MAP4: variants seen among roughly 807,000 people sequenced by gnomAD.
MAP4 encodes the protein microtubule associated protein 4.
MAP4 carries 76 observed loss-of-function variants against 170.2 expected under a neutral mutation model. The observed-to-expected ratio is 0.45, with a 90% CI of 0.37 to 0.54. MAP4 has a LOEUF of 0.54. Among genes scored for constraint, MAP4 ranks in the 20% least tolerant of loss-of-function variants. The pLI, the probability that MAP4 is intolerant of heterozygous loss-of-function variation, is 0.00. For missense variants in MAP4, 2,506 were observed against 2,748.0 expected (o/e 0.91, Z 1.97); for synonymous variants, 909 against 994.5 (o/e 0.91, Z 1.62).
At chr3:47,955,917 A>G (rs1256026163) in intron 3 of MAP4, among the ~76,000 whole-genome samples, 1 of 152,242 alleles carries the variant, frequency 6.6e-6, no homozygotes, top group Admixed American at 6.5e-5. Flanking sequence ...TGGAGCCTTT[A>G]GCAAGCAAGA....
intron 1 of MAP4, among the ~76,000 whole-genome samples, chr3:48,073,404 G>A (rs2100142050): frequency 6.6e-6 from 1 of 151,704 alleles, no homozygotes; most frequent in Non-Finnish European, 1.5e-5. Context: ...CTGAGGTCGG[G>A]AGTATGAGAT....
chr3:48,071,184 C>T (rs1364446124), intron 1 of MAP4, among the ~76,000 whole-genome samples: 1 of 152,042 alleles, frequency 6.6e-6, no homozygotes, highest in Non-Finnish European at 1.5e-5. Flanking sequence ...TTTGTTACCC[C>T]CATGTCTCTG....
chr3:47,855,808 T>G lies in MAP4; in HGVS notation c.6584-448A>C, dbSNP rs749931653. On this transcript the variant is annotated intron_variant, in intron 18 of 20. Transcript: ENST00000683076. This position sits in a 1 kb window ranked among gnomAD's most constrained non-coding sequence, Gnocchi z 5.1. Reference sequence around the variant, plus strand: ...GCCACGGTCCCTGCTTCCCAGCCGGTAAAACTGATGCTGCAAAAGAGAAGG... The same window carrying G: ...GCCACGGTCCCTGCTTCCCAGCCGGGAAAACTGATGCTGCAAAAGAGAAGG... Among the ~76,000 whole-genome samples, 6 of 152,172 alleles carry G rather than the reference T, an allele frequency of 3.9e-5. No homozygotes were observed. Among genetic ancestry groups the G allele is most frequent in the Non-Finnish European group, 7.3e-5 (5 of 68,040 alleles).
At position 48,047,784 on chromosome 3, in the gene MAP4, G is replaced by A. The variant is rs993177779; in HGVS notation, c.-20+40989C>T. Among the ~76,000 whole-genome samples, 9 of 152,088 alleles carry A rather than the reference G, an allele frequency of 5.9e-5. No individual in the cohort carries two copies. In the East Asian group the frequency reaches 1.7e-3, roughly 29 times the overall value. On this transcript the variant is annotated intron_variant, in intron 1 of 18. Coordinates refer to the MAP4 transcript ENST00000360240. ...CTGGTTTTCACAAAATTCACTTTCG[G>A]AATAAAATTTCATTTGGAATGATGT...
upstream of MAP4, among the ~76,000 whole-genome samples, chr3:48,016,794 A>AG (rs2100108029): frequency 1.1e-5 from 1 of 89,670 alleles, no homozygotes; most frequent in Non-Finnish European, 2.7e-5. Flanking sequence ...TTTTTTTTTG[A>AG]GACAGGGTCT....
At chr3:48,017,416 G>C (rs2100108312), upstream of MAP4, among the ~76,000 whole-genome samples, 1 of 151,878 alleles carries the variant, frequency 6.6e-6, no homozygotes, top group Admixed American at 6.6e-5. Flanking sequence ...GAAGAATCCT[G>C]AACATCAGGA....
At chr3:47,875,516 C>T (rs567967694) in intron 12 of MAP4, among the ~76,000 whole-genome samples, 169 bp downstream of exon 12, 4 of 152,086 alleles carry the variant, frequency 2.6e-5, no homozygotes, top group Non-Finnish European at 5.9e-5. Flanking sequence ...CCATAGGCAG[C>T]GCGTCCAGAG....
chr3:47,954,368 A>T (rs2100066407), intron 3 of MAP4, among the ~76,000 whole-genome samples: 1 of 152,200 alleles, frequency 6.6e-6, no homozygotes, highest in African/African-American at 2.4e-5. Flanking sequence ...TTGTACTGGT[A>T]ATCAGAACAC....
At chr3:48,046,996 A>G (rs1235215878) in intron 1 of MAP4, among the ~76,000 whole-genome samples, 1 of 152,044 alleles carries the variant, frequency 6.6e-6, no homozygotes, top group Non-Finnish European at 1.5e-5. Context: ...CGGGAGGCTG[A>G]GGCAGGAGAA....
chr3:47,881,494 A>ATATG (rs2096750382), intron 10 of MAP4, among the ~76,000 whole-genome samples: 1 of 95,844 alleles, frequency 1.0e-5, no homozygotes. Context: ...ATATATATAT[A>ATATG]TATGCATAAT....
upstream of MAP4, among the ~76,000 whole-genome samples, chr3:48,017,514 T>G (rs1439223154): frequency 2.7e-5 from 4 of 150,828 alleles, no homozygotes; most frequent in Non-Finnish European, 5.9e-5. Context: ...ATCCAAACTC[T>G]TACGTGTAAT....
chr3:47,890,817 A>T (rs2100023495), intron 10 of MAP4, among the ~76,000 whole-genome samples: 1 of 152,180 alleles, frequency 6.6e-6, no homozygotes, highest in African/African-American at 2.4e-5. Context: ...TGCTAGCAAG[A>T]CATTCAGCTT....
rs532194924 is a variant in MAP4 at position 48,060,553 on chromosome 3, G to A, written c.-20+28220C>T. Among the ~76,000 whole-genome samples, 11 of 152,222 alleles carry A rather than the reference G, an allele frequency of 7.2e-5. No individual in the cohort carries two copies. In the East Asian group the frequency reaches 2.1e-3, roughly 29 times the overall value. On this transcript the variant is annotated intron_variant, in intron 1 of 18. Coordinates refer to the MAP4 transcript ENST00000360240. ...TGATCTGCAAAATACACTGCTAAGA[G>A]AATAGAAACTCAACAGATTGGGAGA...
chr3:48,045,773 C>T (rs557547011), intron 1 of MAP4, among the ~76,000 whole-genome samples: 1 of 152,332 alleles, frequency 6.6e-6, no homozygotes, highest in South Asian at 2.1e-4. Context: ...GATCTCCTGA[C>T]CTTGTGATCC....
intron 2 of MAP4, among the ~76,000 whole-genome samples, chr3:47,993,988 T>A (rs1412755114): frequency 6.6e-6 from 1 of 152,224 alleles, no homozygotes; most frequent in Admixed American, 6.5e-5. Flanking sequence ...ACAGTTTTGA[T>A]GAGAAATCAT....
chr3:47,915,811 T>G, intron 7 of MAP4, 140 bp downstream of exon 7: 1 of 870,646 alleles, frequency 1.1e-6, no homozygotes. Context: ...GAAAGAGTTG[T>G]CTAGGAGAGC....
intron 1 of MAP4, among the ~76,000 whole-genome samples, chr3:48,015,372 T>C (rs1378997608): frequency 6.6e-6 from 1 of 152,172 alleles, no homozygotes; most frequent in Non-Finnish European, 1.5e-5. Context: ...TTGCATGACA[T>C]TTAAATGACA....
chr3:47,895,996 A>G (rs2153194781), intron 10 of MAP4, among the ~76,000 whole-genome samples: 1 of 152,162 alleles, frequency 6.6e-6, no homozygotes, highest in South Asian at 2.1e-4. Context: ...AGTTGAAAGA[A>G]GCAATCTGGG....
chr3:48,011,465 A>T (rs1359765914), intron 1 of MAP4, among the ~76,000 whole-genome samples: 3 of 151,844 alleles, frequency 2.0e-5, no homozygotes, highest in Non-Finnish European at 4.4e-5. Context: ...AGGCAGGAAA[A>T]TTGCTTGAAC....
Sources: allele counts gnomAD v4.1 joint callset (sites outside exome capture counted in the v4.1 genomes callset), GRCh38; gene constraint gnomAD v4.1.1; non-coding constraint Gnocchi (gnomAD v3.1); transcripts MANE v1.5; gene names NCBI Gene and HGNC (gene_info 2026-07-23, HGNC 2026-07-21).